SPOCK3: variants seen among roughly 807,000 people sequenced by gnomAD.
The protein encoded by SPOCK3 is SPARC (osteonectin), cwcv and kazal like domains proteoglycan 3.
Under a neutral mutation model 56.6 loss-of-function variants are expected in SPOCK3, and 30 were observed. The observed-to-expected ratio is 0.53, with a 90% CI of 0.40 to 0.72. The LOEUF is 0.72. Among genes scored for constraint, SPOCK3 ranks in the 30% least tolerant of loss-of-function variants. The pLI, the probability that SPOCK3 is intolerant of heterozygous loss-of-function variation, is 0.00. For synonymous variants in SPOCK3, 196 were observed against 183.3 expected (o/e 1.07, Z -0.56); for missense variants, 527 against 530.0 (o/e 0.99, Z 0.06).
At chr4:166,931,344 G>A (rs1444915228) in intron 4 of SPOCK3, among the ~76,000 whole-genome samples, 2 of 143,320 alleles carry the variant, frequency 1.4e-5, no homozygotes, top group Non-Finnish European at 3.1e-5. Context: ...GGGTGGGGGG[G>A]CAAGAAAACC....
chr4:167,123,663 A>T (rs1762048061), intron 2 of SPOCK3, among the ~76,000 whole-genome samples: 1 of 151,864 alleles, frequency 6.6e-6, no homozygotes, highest in Admixed American at 6.6e-5. Context: ...GTGTCTGCAG[A>T]CTACAGTACT....
chr4:167,077,424 T>C (rs930308361), intron 2 of SPOCK3, among the ~76,000 whole-genome samples: 3 of 151,872 alleles, frequency 2.0e-5, no homozygotes, highest in Non-Finnish European at 4.4e-5. Flanking sequence ...CACAAGATGT[T>C]CTTATCTAAT....
chr4:166,770,476 G>T (rs986484901), intron 7 of SPOCK3, among the ~76,000 whole-genome samples: 4 of 152,082 alleles, frequency 2.6e-5, no homozygotes, highest in Non-Finnish European at 5.9e-5. Flanking sequence ...TAATATATCA[G>T]GTCCTGAGAT....
At chr4:166,773,948 G>T (rs1342913183) in intron 7 of SPOCK3, among the ~76,000 whole-genome samples, 1 of 151,986 alleles carries the variant, frequency 6.6e-6, no homozygotes, top group Non-Finnish European at 1.5e-5. Flanking sequence ...TTTGGTAAAG[G>T]TTTTCTCCTA....
chr4:166,912,832 C>T, intron 4 of SPOCK3, 89 bp from the exon 5 acceptor site: 1 of 1,101,138 alleles, frequency 9.1e-7, no homozygotes. Flanking sequence ...ACTGCCATTC[C>T]AACTCCTGAA....
chr4:167,116,913 G>A (rs71641198), intron 2 of SPOCK3, among the ~76,000 whole-genome samples: 45,161 of 118,830 alleles, frequency 0.38, 9,302 homozygotes, highest in African/African-American at 0.53. Context: ...GTGTGTGTGT[G>A]TATATATATA....
intron 4 of SPOCK3, among the ~76,000 whole-genome samples, chr4:166,959,802 T>G (rs1378431179): frequency 2.0e-5 from 3 of 152,122 alleles, no homozygotes; most frequent in Non-Finnish European, 4.4e-5. Flanking sequence ...GACTATTTTA[T>G]GTGCACCATA....
intron 2 of SPOCK3, among the ~76,000 whole-genome samples, chr4:167,112,571 GA>G (rs766324600): frequency 1.3e-5 from 2 of 152,114 alleles, no homozygotes; most frequent in Non-Finnish European, 2.9e-5. Flanking sequence ...TCTCCAACAG[GA>G]GGTGGAAAAG....
At chr4:166,854,118 A>T (rs750186730) in intron 6 of SPOCK3, among the ~76,000 whole-genome samples, 9 of 152,164 alleles carry the variant, frequency 5.9e-5, no homozygotes, top group Non-Finnish European at 1.0e-4. Flanking sequence ...ACCATTATAG[A>T]TATATTGAAC....
At chr4:166,891,558 CATTATTCAATGCTTCAAAAAT>C (rs1244423794) in intron 5 of SPOCK3, among the ~76,000 whole-genome samples, 1 of 151,746 alleles carries the variant, frequency 6.6e-6, no homozygotes, top group Non-Finnish European at 1.5e-5. Flanking sequence ...TGTTATTTTT[CATTATTCAATGCTTCAAAAAT>C]TGAAAAAAAA....
chr4:166,991,153 A>C (rs1747738667), intron 4 of SPOCK3, among the ~76,000 whole-genome samples: 1 of 151,818 alleles, frequency 6.6e-6, no homozygotes, highest in Non-Finnish European at 1.5e-5. Flanking sequence ...AGTTCTAAAA[A>C]ATGTTATCAG....
intron 2 of SPOCK3, among the ~76,000 whole-genome samples, chr4:167,212,191 A>AT (rs1481602220): frequency 6.6e-6 from 1 of 151,818 alleles, no homozygotes; most frequent in African/African-American, 2.4e-5. Flanking sequence ...TTCATTTTAG[A>AT]TTTTTCAGTA....
intron 2 of SPOCK3, among the ~76,000 whole-genome samples, chr4:167,065,823 C>A (rs553159820): frequency 1.3e-5 from 2 of 151,838 alleles, no homozygotes; most frequent in Non-Finnish European, 2.9e-5. Flanking sequence ...ATTGGTTGTT[C>A]TCAGGCTTCA....
At chr4:166,903,416 A>G (rs1019586658) in intron 5 of SPOCK3, among the ~76,000 whole-genome samples, 1 of 152,006 alleles carries the variant, frequency 6.6e-6, no homozygotes. Flanking sequence ...AAAAGCATCA[A>G]CATTATACCA....
At chr4:166,935,863 A>G (rs1400478489) in intron 4 of SPOCK3, among the ~76,000 whole-genome samples, 1 of 152,218 alleles carries the variant, frequency 6.6e-6, no homozygotes, top group African/African-American at 2.4e-5. Flanking sequence ...TATTTTGAAG[A>G]TAGAGATAAC....
intron 2 of SPOCK3, among the ~76,000 whole-genome samples, chr4:167,182,102 T>C (rs566794974): frequency 2.0e-5 from 3 of 152,340 alleles, no homozygotes; most frequent in East Asian, 3.9e-4. Context: ...TAACTCATTG[T>C]AGAGAGTTAC....
In SPOCK3 at chr4:167,208,223, G is replaced by A. The variant is rs1019704174; in HGVS notation, c.189+25762C>T. ...GAAAAGTGGGAAAAAAAAACTGGTC[G>A]GGGGCAATTTCTTAGAGATTTATTG... On this transcript the variant is annotated intron_variant, in intron 2 of 10. Transcript: ENST00000357545. 3.3e-5 allele frequency among the ~76,000 whole-genome samples: 5 copies of A among 152,014 alleles called. No homozygotes were observed. In the South Asian group the frequency reaches 6.2e-4, roughly 19 times the overall value.
At chr4:167,133,096 C>T (rs2073132952) in intron 2 of SPOCK3, among the ~76,000 whole-genome samples, 5 of 152,026 alleles carry the variant, frequency 3.3e-5, no homozygotes, top group Admixed American at 3.3e-4. Flanking sequence ...CATCCTAATT[C>T]CAGGAATATG....
At chr4:167,226,463 T>G (rs1736605475) in intron 2 of SPOCK3, among the ~76,000 whole-genome samples, 1 of 152,106 alleles carries the variant, frequency 6.6e-6, no homozygotes, top group Admixed American at 6.6e-5. Context: ...AACATTCCCA[T>G]CAGAGGACAC....
Sources: allele counts gnomAD v4.1 joint callset (sites outside exome capture counted in the v4.1 genomes callset), GRCh38; gene constraint gnomAD v4.1.1; transcripts MANE v1.5; gene names NCBI Gene and HGNC (gene_info 2026-07-23, HGNC 2026-07-21).